The following ATF1 variants were observed in gnomAD, a reference collection of about 807,000 sequenced individuals.
The protein encoded by ATF1 is cyclic AMP-dependent transcription factor ATF-1.
ATF1 carries 16 observed loss-of-function variants against 34.7 expected under a neutral mutation model. The ratio of observed to expected loss-of-function variants is 0.46; its 90% CI spans 0.31 to 0.70. The LOEUF is 0.70. Among genes scored for constraint, ATF1 ranks in the 30% least tolerant of loss-of-function variants. The pLI is 0.05. For synonymous variants in ATF1, 105 were observed against 113.1 expected (o/e 0.93, Z 0.46); for missense variants, 255 against 321.6 (o/e 0.79, Z 1.58).
chr12:50,813,521 A>G (rs1941779269), intron 4 of ATF1, among the ~76,000 whole-genome samples: 1 of 152,224 alleles, frequency 6.6e-6, no homozygotes, highest in East Asian at 1.9e-4. Context: ...CTTAAAAATT[A>G]ACTATCATGG....
chr12:50,770,580 T>C (rs61926302), intron 1 of ATF1, among the ~76,000 whole-genome samples: 4,174 of 152,306 alleles, frequency 0.027, 99 homozygotes, highest in Non-Finnish European at 0.041. Flanking sequence ...AAAAAGCCTA[T>C]GTGAAAAATT....
chr12:50,784,621 C>A (rs1258394608), intron 2 of ATF1, among the ~76,000 whole-genome samples: 1 of 152,004 alleles, frequency 6.6e-6, no homozygotes, highest in Non-Finnish European at 1.5e-5. Context: ...GTGTTTTGAT[C>A]TGGGTGACGT....
chr12:50,771,241 G>A (rs1447819268), intron 1 of ATF1, among the ~76,000 whole-genome samples: 1 of 152,038 alleles, frequency 6.6e-6, no homozygotes, highest in East Asian at 1.9e-4. Flanking sequence ...CCTGACCTCA[G>A]GTAATCCACC....
chr12:50,767,077 G>A (rs953904798), intron 1 of ATF1, among the ~76,000 whole-genome samples: 3 of 152,110 alleles, frequency 2.0e-5, no homozygotes, highest in South Asian at 2.1e-4. Context: ...TGGCCCCCAG[G>A]GCAATGATGC....
At chr12:50,764,871 G>T (rs113132350) in intron 1 of ATF1, among the ~76,000 whole-genome samples, 2,328 of 152,364 alleles carry the variant, frequency 0.015, 60 homozygotes, top group African/African-American at 0.053. Flanking sequence ...GGAGAGATGC[G>T]CCTGGCAGCG....
intron 1 of ATF1, among the ~76,000 whole-genome samples, chr12:50,770,754 T>C (rs1940749459): frequency 6.6e-6 from 1 of 152,210 alleles, no homozygotes; most frequent in Non-Finnish European, 1.5e-5. Flanking sequence ...ATTAATTGTT[T>C]TTAAGTTTGT....
Position 50,821,088 on chromosome 12 carries a change from T to C in ATF1, c.*1309T>C, listed in dbSNP as rs1210920860. 1 of 178,684 alleles carries C rather than the reference T, an allele frequency of 5.6e-6. No homozygotes were observed. Among genetic ancestry groups the C allele is most frequent in the Non-Finnish European group, 1.2e-5 (1 of 83,286 alleles). The allele number at this position is 178,684 out of a possible 1,614,324, so 11.1% of individuals were successfully genotyped here. A position where few individuals can be genotyped will look rare whatever the true frequency, so the allele number is the denominator to read the frequency against. ...GTGCTCTTACACAGTATGCATCATA[T>C]TGTTGTCTGTGAAATTAAAGGACAT... On this transcript the variant is annotated 3_prime_UTR_variant, in exon 7 of 7. Coordinates refer to ENST00000262053, the MANE Select transcript of ATF1 (RefSeq NM_005171.5).
At position 50,814,358 on chromosome 12, in the gene ATF1, C is replaced by T; in HGVS notation, c.590C>T (p.Thr197Ile). The change falls in exon 6 of 7, where the codon ACA becomes ATA. Residue 197 changes from threonine to isoleucine, a missense_variant. Physicochemically the swap from Thr to Ile is moderately conservative, Grantham distance 89. This residue lies in a region of ATF1 where 221 missense variants were observed against 250.7 expected (regional missense o/e 0.88). Transcript: ENST00000262053. ...TCTCTGCCACAAACTGTGGTGATGA[C>T]ATCTCCTGTGACTCTCACCTCTCAG... ...ATSLPQTVVM[T>I]SPVTLTSQTT... 1.2e-6 allele frequency: 2 copies of T among 1,614,102 alleles called. No homozygotes were observed. Among genetic ancestry groups the T allele is most frequent in the Non-Finnish European group, 1.7e-6 (2 of 1,179,932 alleles).
Position 50,811,291 on chromosome 12 carries a change from TTTAA to T in ATF1, c.328+1706_328+1709del, listed in dbSNP as rs1178412447. 2.4e-4 allele frequency among the ~76,000 whole-genome samples: 37 copies of T among 152,298 alleles called. 1 individual carries two copies. The highest frequency in any genetic ancestry group is 5.9e-5 in the Non-Finnish European group (4 of 68,020). ...ATATAACTAAGTCAGTACATATTAG[TTTAA>T]TTATAGATTGTATGTATGTAATTAT... On this transcript the variant is annotated intron_variant, in intron 4 of 6. Coordinates refer to ENST00000262053, the MANE Select transcript of ATF1 (RefSeq NM_005171.5).
chr12:50,819,579 C>G, intron 6 of ATF1, 56 bp from the exon 7 acceptor site: 3 of 1,573,396 alleles, frequency 1.9e-6, no homozygotes, highest in Non-Finnish European at 2.6e-6. Context: ...AGAACATTTA[C>G]CATTTAAAGA....
chr12:50,813,792 C>T (rs1241276561), intron 4 of ATF1, among the ~76,000 whole-genome samples: 1 of 150,156 alleles, frequency 6.7e-6, no homozygotes, highest in Non-Finnish European at 1.5e-5. Flanking sequence ...CCAGCCTGGG[C>T]GGTAGAGCGA....
At chr12:50,792,104 T>C (rs1334226111) in intron 2 of ATF1, among the ~76,000 whole-genome samples, 1 of 152,130 alleles carries the variant, frequency 6.6e-6, no homozygotes, top group Non-Finnish European at 1.5e-5. Flanking sequence ...CCTCCATACA[T>C]ACCCTCAGGT....
In ATF1 at chr12:50,814,313, G is replaced by A. The variant is rs371428536; in HGVS notation, c.545G>A (p.Arg182Gln). 2.3e-5 allele frequency: 37 copies of A among 1,613,972 alleles called. No homozygotes were observed. The highest frequency in any genetic ancestry group is 1.2e-4 in the Admixed American group (7 of 59,990). Residue 182 changes from arginine (R) to glutamine (Q), a missense_variant, in exon 6 of 7, where the codon CGA becomes CAA. Arg to Gln is a conservative substitution (Grantham distance 43). Coordinates refer to ENST00000262053, the MANE Select transcript of ATF1 (RefSeq NM_005171.5). Reference protein sequence around the residue: ...ASGDMQTYQIRTTPSATSLPQ... With the variant: ...ASGDMQTYQIQTTPSATSLPQ... ...GGAGATATGCAAACATATCAGATCC[G>A]AACTACACCTTCAGCTACTTCTCTG...
chr12:50,797,518 G>C (rs531283070), intron 3 of ATF1, among the ~76,000 whole-genome samples: 1 of 152,266 alleles, frequency 6.6e-6, no homozygotes, highest in Non-Finnish European at 1.5e-5. Context: ...TCACCCTGTT[G>C]CCTGGGCTGG....
At position 50,820,319 on chromosome 12, in the gene ATF1, A is replaced by AAGTT. The variant is rs145093086; in HGVS notation, c.*541_*544dup. The AAGTT allele has an allele frequency of 6.9e-3, 1,305 of 190,350 alleles. 11 individuals carry two copies. The highest frequency in any genetic ancestry group is 0.011 in the Non-Finnish European group (1,017 of 90,560). The allele number at this position is 190,350 out of a possible 1,614,324, so 11.8% of individuals were successfully genotyped here. A position where few individuals can be genotyped will look rare whatever the true frequency, so the allele number is the denominator to read the frequency against. On this transcript the variant is annotated 3_prime_UTR_variant, in exon 7 of 7. Transcript: ENST00000262053. ...CAAGTCTTTTTAAGTGGGTTTTTAA[A>AAGTT]AGTTTGTTATTGGACTTGAATGGAT...
At chr12:50,811,683 A>G (rs1346301252) in intron 4 of ATF1, among the ~76,000 whole-genome samples, 1 of 150,952 alleles carries the variant, frequency 6.6e-6, no homozygotes, top group East Asian at 1.9e-4. Flanking sequence ...AGTCCCATCT[A>G]CTCGGGAGGC....
rs985708310 is a variant in ATF1 at position 50,820,934 on chromosome 12, T to G, written c.*1155T>G. On this transcript the variant is annotated 3_prime_UTR_variant, in exon 7 of 7. Transcript: ENST00000262053. ...TTTATATTATGGGACGTTTTCAGAT[T>G]GGCTAATATTTGCATTGTAAATTTT... The G allele has an allele frequency of 5.6e-6, 1 of 180,152 alleles. No individual in the cohort carries two copies. Among genetic ancestry groups the G allele is most frequent in the Admixed American group, 6.3e-5 (1 of 15,918 alleles). 11.2% of individuals were successfully genotyped at this position (180,152 alleles called of 1,614,324 possible). A position where few individuals can be genotyped will look rare whatever the true frequency, so the allele number is the denominator to read the frequency against.
At chr12:50,814,503 A>G (rs1482481582) in intron 6 of ATF1, 64 bp downstream of exon 6, 9 of 1,505,312 alleles carry the variant, frequency 6.0e-6, no homozygotes, top group East Asian at 2.3e-5. Context: ...ACATAACCAG[A>G]TGTTAACTGG....
At chr12:50,773,498 A>G (rs2139640418) in intron 1 of ATF1, among the ~76,000 whole-genome samples, 1 of 111,068 alleles carries the variant, frequency 9.0e-6, no homozygotes, top group East Asian at 2.9e-4. Flanking sequence ...TGCCCAGGTT[A>G]GAGTGCAGTG....
Sources: gnomAD v4.1 joint callset for allele counts (sites outside exome capture counted in the v4.1 genomes callset) on GRCh38, gnomAD v4.1.1 for gene constraint, gnomAD v4.1.1 regional missense constraint, MANE v1.5 for transcripts, NCBI Gene and HGNC (gene_info 2026-07-23, HGNC 2026-07-21) for gene names.